ARHGAP23: variants seen among roughly 807,000 people sequenced by gnomAD.
ARHGAP23 encodes rho GTPase-activating protein 23.
Under a neutral mutation model 136.3 loss-of-function variants are expected in ARHGAP23, and 34 were observed. That is an observed-to-expected ratio of 0.25 (90% confidence interval 0.19 to 0.33). ARHGAP23 has a LOEUF of 0.33. ARHGAP23 is among the 10% of genes least tolerant of loss of function. The probability of loss-of-function intolerance (pLI) is 1.00; values close to 1 mark genes in which losing one functional copy is unlikely to be tolerated. For missense variants in ARHGAP23, 1,808 were observed against 2,139.0 expected (o/e 0.85, Z 3.05); for synonymous variants, 832 against 920.5 (o/e 0.90, Z 1.74).
At chr17:38,442,159 A>G (rs1484686143) in intron 1 of ARHGAP23, among the ~76,000 whole-genome samples, 2 of 152,000 alleles carry the variant, frequency 1.3e-5, no homozygotes, top group Admixed American at 6.6e-5. Flanking sequence ...GGGTCTTACT[A>G]TGTTGACCAG....
intron 23 of ARHGAP23, among the ~76,000 whole-genome samples, chr17:38,504,888 G>C (rs528764388): frequency 3.8e-4 from 57 of 150,982 alleles, no homozygotes; most frequent in African/African-American, 1.4e-3. Context: ...GCTGTCCCGG[G>C]TAGGAGTGTG....
intron 1 of ARHGAP23, among the ~76,000 whole-genome samples, chr17:38,435,336 G>C (rs748779765): frequency 2.0e-5 from 3 of 152,144 alleles, no homozygotes; most frequent in Non-Finnish European, 2.9e-5. Context: ...GTCATAAGAG[G>C]GTTGTAGAGA....
At chr17:38,499,751 G>A (rs1479031546) in intron 22 of ARHGAP23, among the ~76,000 whole-genome samples, 1 of 152,150 alleles carries the variant, frequency 6.6e-6, no homozygotes, top group Admixed American at 6.5e-5. Context: ...AGAGGGGGGC[G>A]TCTAACTTGC....
In ARHGAP23 at chr17:38,471,912, G is replaced by T. The variant is rs1346024490; in HGVS notation, c.2024G>T (p.Arg675Leu). 3 of 1,549,450 alleles carry T rather than the reference G, an allele frequency of 1.9e-6. No individual in the cohort carries two copies. Among genetic ancestry groups the T allele is most frequent in the South Asian group, 1.2e-5 (1 of 83,946 alleles). ...TSEDADAPSK[R>L]HSTSDLSDAT... is the part of the protein sequence containing the mutation. ...GAAGATGCTGACGCTCCTTCTAAGC[G>T]ACACTCAACCTCTGACCTCTCAGAT... The change falls in exon 11 of 24, where the codon CGA (arginine) becomes CTA (leucine). Residue 675 changes from arginine to leucine, a missense_variant. This residue lies in a region of ARHGAP23 where 139 missense variants were observed against 264.3 expected (regional missense o/e 0.53). Coordinates refer to ENST00000622683, the MANE Select transcript of ARHGAP23 (RefSeq NM_001199417.2).
At position 38,477,306 on chromosome 17, in the gene ARHGAP23, G is replaced by C. The variant is rs892480835; in HGVS notation, c.2119-273G>C. 6.6e-6 allele frequency among the ~76,000 whole-genome samples: 1 copy of C among 151,866 alleles called. No homozygotes were observed. Among genetic ancestry groups the C allele is most frequent in the African/African-American group, 2.4e-5 (1 of 41,304 alleles). On this transcript the variant is annotated intron_variant, in intron 11 of 23. Transcript: ENST00000622683. This position sits in a 1 kb window ranked among gnomAD's most constrained non-coding sequence, Gnocchi z 6.6. Reference sequence around the variant, plus strand: ...TCTGAGCATTGCCACCGCTCGGTGAGTGTTGATGCTGGTGTTTAGAGGGGG... The same window carrying C: ...TCTGAGCATTGCCACCGCTCGGTGACTGTTGATGCTGGTGTTTAGAGGGGG...
chr17:38,473,481 C>G (rs1163186563), intron 11 of ARHGAP23, among the ~76,000 whole-genome samples: 1 of 152,124 alleles, frequency 6.6e-6, no homozygotes, highest in African/African-American at 2.4e-5. Context: ...AGGGTGAAGT[C>G]GAGGCGGGAC....
At chr17:38,447,214 G>T (rs2039053144) in intron 1 of ARHGAP23, among the ~76,000 whole-genome samples, 2 of 152,154 alleles carry the variant, frequency 1.3e-5, no homozygotes, top group Non-Finnish European at 2.9e-5. Flanking sequence ...GGCCGAGGCG[G>T]GTGGATCATT....
Position 38,510,071 on chromosome 17 carries a change from A to T in ARHGAP23, c.3575A>T (p.Asp1192Val). 8.1e-7 allele frequency: 1 copy of T among 1,237,562 alleles called. No individual in the cohort carries two copies. Among genetic ancestry groups the T allele is most frequent in the Non-Finnish European group, 1.0e-6 (1 of 992,600 alleles). 76.7% of individuals were successfully genotyped at this position (1,237,562 alleles called of 1,614,324 possible). Residue 1192 changes from aspartate (D) to valine (V), a missense_variant, in exon 24 of 24, where the codon GAC becomes GTC. Physicochemically the swap from Asp to Val is radical, Grantham distance 152. Transcript: ENST00000622683. This position sits in a 1 kb window ranked among gnomAD's most constrained non-coding sequence, Gnocchi z 4.6. ...ARGLGSSTDD[D>V]SEQEAHKPGA... Reference sequence around the variant, plus strand: ...GGGCTGGGCAGCAGCACCGACGACGACTCGGAGCAGGAGGCGCACAAGCCT... The same window carrying T: ...GGGCTGGGCAGCAGCACCGACGACGTCTCGGAGCAGGAGGCGCACAAGCCT...
chr17:38,440,217 C>T (rs1316599329), intron 1 of ARHGAP23, among the ~76,000 whole-genome samples: 1 of 152,150 alleles, frequency 6.6e-6, no homozygotes, highest in African/African-American at 2.4e-5. Flanking sequence ...CAAGGTTTCA[C>T]CATGTTGGCC....
At chr17:38,442,475 C>T (rs2038941489) in intron 1 of ARHGAP23, among the ~76,000 whole-genome samples, 1 of 152,232 alleles carries the variant, frequency 6.6e-6, no homozygotes, top group Admixed American at 6.5e-5. Flanking sequence ...ATTTGACCAC[C>T]AGCAAAGCAG....
chr17:38,469,791 T>C, intron 9 of ARHGAP23, 56 bp from the exon 10 acceptor site: 1 of 1,543,268 alleles, frequency 6.5e-7, no homozygotes, highest in African/African-American at 1.4e-5. Context: ...GGTGACGAGA[T>C]AGTGAGGTCC....
At chr17:38,479,644 G>A (rs1301556470) in intron 13 of ARHGAP23, 109 bp from the exon 14 acceptor site, 5 of 1,413,500 alleles carry the variant, frequency 3.5e-6, no homozygotes, top group Non-Finnish European at 4.8e-6. Flanking sequence ...AGGCATGGAG[G>A]CATTGCCTCA....
At chr17:38,441,038 C>T (rs1380555289) in intron 1 of ARHGAP23, among the ~76,000 whole-genome samples, 2 of 152,338 alleles carry the variant, frequency 1.3e-5, no homozygotes, top group East Asian at 1.9e-4. Context: ...GTGGCCACAG[C>T]GCAGGTGGGC....
At chr17:38,491,828 G>A in intron 20 of ARHGAP23, 1 of 434,226 alleles carries the variant, frequency 2.3e-6, no homozygotes, top group Non-Finnish European at 4.2e-6. Context: ...GAAGGGCAGG[G>A]AAGGTGCTAC....
intron 1 of ARHGAP23, among the ~76,000 whole-genome samples, chr17:38,437,378 G>C (rs1274435933): frequency 6.6e-6 from 1 of 151,906 alleles, no homozygotes; most frequent in African/African-American, 2.4e-5. Flanking sequence ...CTCCTGCCTT[G>C]GTCTCCCAAA....
chr17:38,479,311 C>T, intron 12 of ARHGAP23, 125 bp from the exon 13 acceptor site: 1 of 684,778 alleles, frequency 1.5e-6, no homozygotes, highest in Non-Finnish European at 2.6e-6. Flanking sequence ...CCTGGTCTTT[C>T]TCACTCCAGG....
At chr17:38,496,138 T>C (rs997628083) in intron 20 of ARHGAP23, among the ~76,000 whole-genome samples, 1 of 152,092 alleles carries the variant, frequency 6.6e-6, no homozygotes, top group Non-Finnish European at 1.5e-5. Context: ...CCTCAGGTGA[T>C]CCGCCCGCCT....
intron 23 of ARHGAP23, among the ~76,000 whole-genome samples, chr17:38,505,910 T>C (rs903879233): frequency 6.6e-6 from 1 of 152,046 alleles, no homozygotes; most frequent in African/African-American, 2.4e-5. Context: ...GCCTTGGCAA[T>C]AGAGTGAGAC....
At chr17:38,441,790 G>T (rs1466592268) in intron 1 of ARHGAP23, among the ~76,000 whole-genome samples, 4 of 152,188 alleles carry the variant, frequency 2.6e-5, no homozygotes, top group Non-Finnish European at 5.9e-5. Flanking sequence ...AGTCCAGGGA[G>T]AGGGGAACTT....
Sources: gnomAD v4.1 joint callset for allele counts (sites outside exome capture counted in the v4.1 genomes callset) on GRCh38, gnomAD v4.1.1 for gene constraint, gnomAD v4.1.1 regional missense constraint, Gnocchi (gnomAD v3.1) non-coding constraint, MANE v1.5 for transcripts, NCBI Gene and HGNC (gene_info 2026-07-23, HGNC 2026-07-21) for gene names.